Variants in FGF14 observed in about 807,000 individuals in gnomAD.
FGF14 encodes fibroblast growth factor 14.
A neutral mutation model predicts 25.5 loss-of-function variants in FGF14; 5 were observed. That is an observed-to-expected ratio of 0.20 (90% confidence interval 0.10 to 0.41). The LOEUF (loss-of-function observed/expected upper bound fraction) is 0.41, where lower values mean the gene tolerates loss of function less well. Among genes scored for constraint, FGF14 ranks in the 10% least tolerant of loss-of-function variants. FGF14 has a pLI of 1.00. For synonymous variants in FGF14, 138 were observed against 118.3 expected, an observed-to-expected ratio of 1.17 and a Z score of -1.08; for missense variants, 222 against 320.1, an observed-to-expected ratio of 0.69 and a Z score of 2.34.
chr13:102,194,410 T>C (rs1220202638), intron 1 of FGF14, among the ~76,000 whole-genome samples: 1 of 138,686 alleles, frequency 7.2e-6, no homozygotes, highest in Non-Finnish European at 1.5e-5. Context: ...CATTAGCTAT[T>C]TATCCTGATA....
At chr13:102,340,465 C>CA (rs778016820) in intron 1 of FGF14, among the ~76,000 whole-genome samples, 2 of 147,658 alleles carry the variant, frequency 1.4e-5, no homozygotes, top group South Asian at 4.3e-4. Flanking sequence ...ACACACACGC[C>CA]AAAAAAAGAG....
chr13:102,327,750 G>A (rs1334640557), intron 1 of FGF14, among the ~76,000 whole-genome samples: 1 of 151,798 alleles, frequency 6.6e-6, no homozygotes, highest in East Asian at 1.9e-4. Context: ...GAGGCAAGAG[G>A]ATCACTTGAG....
At chr13:102,001,196 T>G (rs1409885256) in intron 1 of FGF14, among the ~76,000 whole-genome samples, 1 of 152,112 alleles carries the variant, frequency 6.6e-6, no homozygotes. Context: ...ATAGGAAAAA[T>G]ATTGTATTGA....
chr13:101,746,464 G>A (rs1053977722), intron 3 of FGF14, among the ~76,000 whole-genome samples: 2 of 151,926 alleles, frequency 1.3e-5, no homozygotes, highest in African/African-American at 2.4e-5. Flanking sequence ...GCTCAGTGGT[G>A]CTTCCCCCCA....
intron 1 of FGF14, among the ~76,000 whole-genome samples, chr13:102,298,976 C>T (rs1043153881): frequency 4.6e-5 from 7 of 152,100 alleles, no homozygotes; most frequent in Admixed American, 1.3e-4. Flanking sequence ...TTACACTAGA[C>T]GTGAATCTGT....
At chr13:102,071,352 C>T (rs2043146312) in intron 1 of FGF14, among the ~76,000 whole-genome samples, 2 of 152,142 alleles carry the variant, frequency 1.3e-5, no homozygotes, top group Admixed American at 6.5e-5. Context: ...AAATGTGTCA[C>T]AGGGAAGTTT....
At chr13:102,317,523 C>G (rs1393863588) in intron 1 of FGF14, among the ~76,000 whole-genome samples, 1 of 152,172 alleles carries the variant, frequency 6.6e-6, no homozygotes, top group Non-Finnish European at 1.5e-5. Flanking sequence ...AATTATATCA[C>G]TTAAATATAA....
rs557293635 is a variant in FGF14 at position 101,719,590 on chromosome 13, G to A, written c.*3241C>T. The A allele has an allele frequency of 7.2e-5, 11 of 152,154 alleles. No individual in the cohort carries two copies. Among genetic ancestry groups the A allele is most frequent in the Admixed American group, 6.6e-4 (10 of 15,260 alleles). 9.4% of individuals were successfully genotyped at this position (152,154 alleles called of 1,614,324 possible). ...CAATCTTATATTAGAAAACAAAAAT[G>A]TTGTCACTTGAAATACCAAAACAAC... On this transcript the variant is annotated 3_prime_UTR_variant, in exon 5 of 5. Transcript: ENST00000376143.
At chr13:102,280,368 ACC>A (rs1441918780) in intron 1 of FGF14, among the ~76,000 whole-genome samples, 1 of 152,176 alleles carries the variant, frequency 6.6e-6, no homozygotes. Flanking sequence ...GGGGAGTATG[ACC>A]CAAGGAAATG....
At position 101,969,084 on chromosome 13, in the gene FGF14, T is replaced by A. The variant is rs73569528; in HGVS notation, c.209-93788A>T. 3.8e-3 allele frequency among the ~76,000 whole-genome samples: 584 copies of A among 152,130 alleles called. 5 individuals carry two copies. Among genetic ancestry groups the A allele is most frequent in the African/African-American group, 0.013 (549 of 41,496 alleles). ...TCAGTGGAAGGGGAGGTAAGGAAAATCTGGCCAGTGGGCTCCATGCCTTGG... is the reference window on the plus strand; with the variant it reads ...TCAGTGGAAGGGGAGGTAAGGAAAAACTGGCCAGTGGGCTCCATGCCTTGG... On this transcript the variant is annotated intron_variant, in intron 1 of 4. Coordinates refer to the FGF14 transcript ENST00000376131.
chr13:102,316,808 A>G (rs982068771), intron 1 of FGF14, among the ~76,000 whole-genome samples: 1 of 152,152 alleles, frequency 6.6e-6, no homozygotes. Context: ...TAATCATACA[A>G]CCTCTGAAAC....
At chr13:102,053,683 A>G (rs1337384087) in intron 1 of FGF14, among the ~76,000 whole-genome samples, 1 of 152,152 alleles carries the variant, frequency 6.6e-6, no homozygotes, top group Non-Finnish European at 1.5e-5. Flanking sequence ...TAAGTCTCAC[A>G]AGCTCTGGGG....
intron 3 of FGF14, among the ~76,000 whole-genome samples, chr13:101,779,965 C>G (rs894354076): frequency 6.6e-6 from 1 of 152,108 alleles, no homozygotes; most frequent in Non-Finnish European, 1.5e-5. Context: ...TGAAAAACCT[C>G]CCTTCTCTGT....
At chr13:102,127,249 C>A (rs1245237847) in intron 1 of FGF14, among the ~76,000 whole-genome samples, 1 of 151,950 alleles carries the variant, frequency 6.6e-6, no homozygotes, top group African/African-American at 2.4e-5. Flanking sequence ...TTATAATAAA[C>A]CTGAAGTATT....
intron 1 of FGF14, among the ~76,000 whole-genome samples, chr13:101,901,069 A>T (rs757993176): frequency 1.1e-4 from 16 of 152,334 alleles, no homozygotes; most frequent in Non-Finnish European, 1.9e-4. Context: ...AATAAAAGCT[A>T]GGAATGGACA....
At chr13:101,742,402 A>T (rs2036612857) in intron 3 of FGF14, among the ~76,000 whole-genome samples, 1 of 152,190 alleles carries the variant, frequency 6.6e-6, no homozygotes, top group Non-Finnish European at 1.5e-5. Flanking sequence ...AAAACCAGTG[A>T]TTATTGAGGA....
Position 102,134,641 on chromosome 13 carries a change from C to T in FGF14, c.209-259345G>A, listed in dbSNP as rs201850202. Among the ~76,000 whole-genome samples the T allele has an allele frequency of 3.9e-5, 6 of 152,264 alleles. No homozygotes were observed. In the East Asian group the frequency reaches 1.2e-3, roughly 29 times the overall value. ...CTTTCCTCTCAAGTGACAAGTTGGA[C>T]TAATTGCCTGGGGCCCCATGCTGAA... is the stretch of plus-strand genomic sequence containing the variant. On this transcript the variant is annotated intron_variant, in intron 1 of 4. Transcript: ENST00000376131.
chr13:102,197,296 T>C (rs934657492), intron 1 of FGF14, among the ~76,000 whole-genome samples: 37 of 152,108 alleles, frequency 2.4e-4, no homozygotes, highest in African/African-American at 8.9e-4. Context: ...AGGAAACAAT[T>C]TCAAGACCCA....
chr13:101,833,633 G>A (rs1265801019), intron 3 of FGF14, among the ~76,000 whole-genome samples: 1 of 151,960 alleles, frequency 6.6e-6, no homozygotes, highest in African/African-American at 2.4e-5. Context: ...AGACAGATAG[G>A]TGTGTGTATA....
Sources: allele counts gnomAD v4.1 joint callset (sites outside exome capture counted in the v4.1 genomes callset), GRCh38; gene constraint gnomAD v4.1.1; transcripts MANE v1.5; gene names NCBI Gene and HGNC (gene_info 2026-07-23, HGNC 2026-07-21).